ANO4: variants seen among roughly 807,000 people sequenced by gnomAD.
The protein encoded by ANO4 is anoctamin-4.
A neutral mutation model predicts 141.9 loss-of-function variants in ANO4; 69 were observed. The observed-to-expected ratio is 0.49, with a 90% CI of 0.40 to 0.59. ANO4 has a LOEUF of 0.59. Among genes scored for constraint, ANO4 ranks in the 20% least tolerant of loss-of-function variants. ANO4 has a pLI of 0.00. For missense variants in ANO4, 894 were observed against 1,162.2 expected (o/e 0.77, Z 3.36); for synonymous variants, 350 against 394.3 (o/e 0.89, Z 1.33).
At chr12:101,115,664 C>A (rs567063334) in intron 24 of ANO4, among the ~76,000 whole-genome samples, 1 of 152,238 alleles carries the variant, frequency 6.6e-6, no homozygotes, top group South Asian at 2.1e-4. Context: ...CCACAATGTT[C>A]AATATGTAAA....
chr12:100,933,941 T>C (rs10860663), intron 3 of ANO4, among the ~76,000 whole-genome samples: 40,228 of 152,078 alleles, frequency 0.26, 5,487 homozygotes, highest in Middle Eastern at 0.4. Context: ...CACTTTTTGA[T>C]GGGGTTGTTT....
Position 101,020,091 on chromosome 12 carries a change from G to A in ANO4, c.792G>A (p.Val264=), listed in dbSNP as rs145580165. 2.5e-6 allele frequency: 4 copies of A among 1,613,576 alleles called. No homozygotes were observed. Among genetic ancestry groups the A allele is most frequent in the East Asian group, 2.2e-5 (1 of 44,852 alleles). ...ACAATGCCACAAGAAGTAGAATCGTGCATCACATTTTACAAAGAATAAAAT... is the reference window on the plus strand; with the variant it reads ...ACAATGCCACAAGAAGTAGAATCGTACATCACATTTTACAAAGAATAAAAT... The part of the protein sequence containing the change: ...FFNNATRSRI[V]HHILQRIKYE... The change falls in exon 9 of 28, where the codon GTG becomes GTA. Residue 264 remains valine (V), a synonymous_variant. Coordinates refer to ENST00000392977, the MANE Select transcript of ANO4 (RefSeq NM_001286615.2).
intron 14 of ANO4, among the ~76,000 whole-genome samples, chr12:101,049,125 A>G (rs2047754761): frequency 1.3e-5 from 2 of 152,250 alleles, no homozygotes; most frequent in Non-Finnish European, 2.9e-5. Context: ...TGGAAGAGTA[A>G]GTGAACAACG....
chr12:100,906,614 A>G (rs966102570), intron 2 of ANO4, among the ~76,000 whole-genome samples: 4 of 152,168 alleles, frequency 2.6e-5, no homozygotes, highest in African/African-American at 9.7e-5. Context: ...AGATGTGAAA[A>G]TGATTGAGTC....
intron 1 of ANO4, among the ~76,000 whole-genome samples, chr12:100,844,187 T>G (rs2037438051): frequency 6.6e-6 from 1 of 151,998 alleles, no homozygotes; most frequent in African/African-American, 2.4e-5. Flanking sequence ...TGTTAAGGCC[T>G]GTGAAGAAAA....
intron 9 of ANO4, among the ~76,000 whole-genome samples, chr12:101,020,986 G>A (rs948590734): frequency 1.3e-5 from 2 of 152,184 alleles, no homozygotes; most frequent in Admixed American, 6.5e-5. Flanking sequence ...AACTGTGACA[G>A]GGGATTGGAG....
At chr12:100,984,497 C>T (rs962141830) in intron 7 of ANO4, among the ~76,000 whole-genome samples, 24 of 152,190 alleles carry the variant, frequency 1.6e-4, no homozygotes, top group African/African-American at 5.8e-4. Context: ...ATAATGCTTG[C>T]TATCTGTCTG....
At chr12:101,016,989 C>T (rs1349865345) in intron 8 of ANO4, among the ~76,000 whole-genome samples, 1 of 152,164 alleles carries the variant, frequency 6.6e-6, no homozygotes, top group African/African-American at 2.4e-5. Flanking sequence ...TGAGATAAAT[C>T]AGAGTGTTCA....
Position 100,876,589 on chromosome 12 carries a change from G to A in ANO4, c.-140-25057G>A, listed in dbSNP as rs184838722. On this transcript the variant is annotated intron_variant, in intron 1 of 27. Transcript: ENST00000392977. ...CAGTGGAGAAAGGGAAGAATTACAGGGAAAGTACGTAAGTCAAGGACAATG... is the reference window on the plus strand; with the variant it reads ...CAGTGGAGAAAGGGAAGAATTACAGAGAAAGTACGTAAGTCAAGGACAATG... Among the ~76,000 whole-genome samples the A allele has an allele frequency of 6.1e-3, 926 of 152,292 alleles. 4 individuals carry two copies. The highest frequency in any genetic ancestry group is 0.011 in the Non-Finnish European group (735 of 68,032).
At chr12:100,994,541 T>G (rs1017686145) in intron 8 of ANO4, among the ~76,000 whole-genome samples, 2 of 152,188 alleles carry the variant, frequency 1.3e-5, no homozygotes, top group African/African-American at 4.8e-5. Flanking sequence ...CTGATTGTCT[T>G]TCAGAAAAAT....
At chr12:100,994,938 A>C (rs1296494217) in intron 8 of ANO4, among the ~76,000 whole-genome samples, 2 of 152,206 alleles carry the variant, frequency 1.3e-5, no homozygotes, top group African/African-American at 4.8e-5. Flanking sequence ...GATTGCGACT[A>C]GTGTCTAACG....
Position 100,928,249 on chromosome 12 carries a change from A to C in ANO4, c.160+5919A>C, listed in dbSNP as rs577659694. 6.6e-5 allele frequency among the ~76,000 whole-genome samples: 10 copies of C among 152,090 alleles called. No homozygotes were observed. The East Asian group carries it at 1.9e-3, about 29-fold the overall frequency. On this transcript the variant is annotated intron_variant, in intron 3 of 27. Transcript: ENST00000392977. ...CAATTTTGTGGCTGACCTTTTACCT[A>C]TGTTATTTTATTTAGTCTTTAACTC...
intron 8 of ANO4, among the ~76,000 whole-genome samples, chr12:101,011,197 G>A (rs1288483759): frequency 6.6e-6 from 1 of 151,994 alleles, no homozygotes; most frequent in African/African-American, 2.4e-5. Flanking sequence ...TACTTCTGCT[G>A]TATACTGTAG....
intron 5 of ANO4, among the ~76,000 whole-genome samples, chr12:100,966,371 GC>G (rs139908754): frequency 0.031 from 4,741 of 152,216 alleles, 236 homozygotes; most frequent in African/African-American, 0.11. Context: ...AAGTTAAATA[GC>G]TTGTTCAAGA....
At chr12:100,772,347 A>G (rs1565866761) in intron 3 of ANO4, among the ~76,000 whole-genome samples, 1 of 152,300 alleles carries the variant, frequency 6.6e-6, no homozygotes, top group Middle Eastern at 3.4e-3. Context: ...AGAATTACGC[A>G]TAGGCCCTTG....
In ANO4 at chr12:101,080,883, T is replaced by TTATATATA. The variant is rs1463149041; in HGVS notation, c.1395+1619_1395+1626dup. Among the ~76,000 whole-genome samples the TTATATATA allele has an allele frequency of 8.0e-3, 591 of 74,060 alleles. 8 individuals are homozygous for TTATATATA. Among genetic ancestry groups the TTATATATA allele is most frequent in the Middle Eastern group, 0.033 (4 of 122 alleles). 48.6% of individuals were successfully genotyped at this position (74,060 alleles called of 152,430 possible). A position where few individuals can be genotyped will look rare whatever the true frequency, so the allele number is the denominator to read the frequency against. On this transcript the variant is annotated intron_variant, in intron 15 of 27. Transcript: ENST00000392977. ...GGTTCTAGATATATATATATATATA[T>TTATATATA]TATATATATATATATATACATACAC...
At chr12:100,892,893 C>A (rs1383059766) in intron 1 of ANO4, among the ~76,000 whole-genome samples, 1 of 152,018 alleles carries the variant, frequency 6.6e-6, no homozygotes, top group East Asian at 1.9e-4. Flanking sequence ...CCTGCCGGCT[C>A]CCTGCCACCC....
intron 1 of ANO4, among the ~76,000 whole-genome samples, chr12:100,865,989 C>T (rs915731564): frequency 6.6e-6 from 1 of 152,204 alleles, no homozygotes; most frequent in African/African-American, 2.4e-5. Context: ...TCTCCCTTAG[C>T]TTTCCTGTCT....
chr12:101,019,144 A>G (rs921787331), intron 8 of ANO4, among the ~76,000 whole-genome samples: 18 of 152,176 alleles, frequency 1.2e-4, no homozygotes, highest in African/African-American at 4.1e-4. Flanking sequence ...ATGCCTTTGC[A>G]TGATGTCCAG....
Sources: gnomAD v4.1 joint callset for allele counts (sites outside exome capture counted in the v4.1 genomes callset) on GRCh38, gnomAD v4.1.1 for gene constraint, MANE v1.5 for transcripts, NCBI Gene and HGNC (gene_info 2026-07-23, HGNC 2026-07-21) for gene names.